Variants in RANBP3L observed in about 807,000 individuals in gnomAD.
RANBP3L encodes the protein RAN binding protein 3 like.
Under a neutral mutation model 67.2 loss-of-function variants are expected in RANBP3L, and 56 were observed. That is an observed-to-expected ratio of 0.83 (90% CI 0.67 to 1.04). RANBP3L has a LOEUF of 1.04. RANBP3L is among the 50% of genes least tolerant of loss of function. The pLI, the probability that RANBP3L is intolerant of heterozygous loss-of-function variation, is 0.00. For synonymous variants in RANBP3L, 164 were observed against 181.4 expected, an observed-to-expected ratio of 0.90 and a Z score of 0.77; for missense variants, 496 against 535.5, an observed-to-expected ratio of 0.93 and a Z score of 0.73.
At chr5:36,279,861 G>T (rs1169782406) in intron 1 of RANBP3L, among the ~76,000 whole-genome samples, 1 of 151,964 alleles carries the variant, frequency 6.6e-6, no homozygotes, top group African/African-American at 2.4e-5. Flanking sequence ...AGAGAAAAAA[G>T]AATCAACATG....
chr5:36,283,518 CCTATGCTCTGTATATAAAAATA>C (rs1751121049), intron 1 of RANBP3L, among the ~76,000 whole-genome samples: 1 of 148,952 alleles, frequency 6.7e-6, no homozygotes, highest in Non-Finnish European at 1.5e-5. Flanking sequence ...ATGGGTCTTG[CCTATGCTCTGTATATAAAAATA>C]CACACACACA....
intron 1 of RANBP3L, among the ~76,000 whole-genome samples, chr5:36,272,480 C>T (rs148535827): frequency 6.6e-6 from 1 of 152,258 alleles, no homozygotes; most frequent in East Asian, 1.9e-4. Flanking sequence ...CTTTTAAATG[C>T]CAGAAAGGGA....
intron 1 of RANBP3L, among the ~76,000 whole-genome samples, chr5:36,300,075 G>T (rs1322177246): frequency 6.6e-6 from 1 of 152,182 alleles, no homozygotes; most frequent in Admixed American, 6.5e-5. Flanking sequence ...ATTAGCAATT[G>T]AAGTGGGGGG....
At chr5:36,266,552 A>G (rs951115810) in intron 4 of RANBP3L, among the ~76,000 whole-genome samples, 3 of 152,192 alleles carry the variant, frequency 2.0e-5, no homozygotes, top group African/African-American at 7.2e-5. Flanking sequence ...AAAGAGCCAT[A>G]TTTTTCTCCT....
At chr5:36,255,363 G>T (rs1370614399) in intron 11 of RANBP3L, 107 bp downstream of exon 11, 12 of 1,066,196 alleles carry the variant, frequency 1.1e-5, no homozygotes, top group Non-Finnish European at 1.6e-5. Flanking sequence ...TGATTTTTTG[G>T]TGTATTTTAT....
At chr5:36,265,425 G>A (rs961329242) in intron 5 of RANBP3L, 24 bp downstream of exon 5, 1 of 1,462,264 alleles carries the variant, frequency 6.8e-7, no homozygotes. Context: ...AATTTCTGAG[G>A]TTCTTGAAAT....
chr5:36,260,477 G>A (rs1749301510), intron 8 of RANBP3L, among the ~76,000 whole-genome samples: 1 of 151,514 alleles, frequency 6.6e-6, no homozygotes, highest in Admixed American at 6.6e-5. Context: ...TCTAACTATT[G>A]CAGATGATTC....
chr5:36,252,483 C>T (rs904851958), intron 12 of RANBP3L, among the ~76,000 whole-genome samples: 3 of 152,060 alleles, frequency 2.0e-5, no homozygotes, highest in Non-Finnish European at 4.4e-5. Context: ...ATAAAATGTA[C>T]TATTGTTACC....
intron 13 of RANBP3L, among the ~76,000 whole-genome samples, chr5:36,250,338 C>G (rs1339399236): frequency 6.6e-6 from 1 of 151,786 alleles, no homozygotes; most frequent in Non-Finnish European, 1.5e-5. Context: ...AAATCATATT[C>G]ACTTAGTTTT....
In RANBP3L at chr5:36,288,994, A is replaced by G. The variant is rs555858173; in HGVS notation, c.91+12332T>C. ...GTCAGTGCTTTTTTGTCAGTCTAAA[A>G]AGCTGCCTTTTTGATGGTGAAGATA... On this transcript the variant is annotated intron_variant, in intron 1 of 13. Transcript: ENST00000296604. Among the ~76,000 whole-genome samples the G allele has an allele frequency of 2.6e-5, 4 of 152,096 alleles. No individual in the cohort carries two copies. In the South Asian group the frequency reaches 6.2e-4, roughly 24 times the overall value.
chr5:36,296,452 G>C (rs945379761), intron 1 of RANBP3L, among the ~76,000 whole-genome samples: 2 of 152,016 alleles, frequency 1.3e-5, no homozygotes, highest in Non-Finnish European at 2.9e-5. Flanking sequence ...AACATGTCTT[G>C]GTTATCCATG....
chr5:36,275,813 G>T (rs1750528480), intron 1 of RANBP3L, among the ~76,000 whole-genome samples: 1 of 152,154 alleles, frequency 6.6e-6, no homozygotes, highest in South Asian at 2.1e-4. Context: ...AGTGGTGAGA[G>T]TTGGATATAG....
intron 12 of RANBP3L, among the ~76,000 whole-genome samples, chr5:36,251,735 G>T (rs1260787211): frequency 6.6e-6 from 1 of 152,070 alleles, no homozygotes; most frequent in African/African-American, 2.4e-5. Context: ...TTTAGAAAGT[G>T]AAATTTTGTT....
chr5:36,255,246 T>C (rs1052981831), intron 11 of RANBP3L, among the ~76,000 whole-genome samples: 5 of 152,076 alleles, frequency 3.3e-5, no homozygotes. Context: ...TAAAAACTTA[T>C]CAAGGTCACT....
intron 1 of RANBP3L, among the ~76,000 whole-genome samples, chr5:36,294,199 G>T (rs1247491121): frequency 6.6e-6 from 1 of 152,040 alleles, no homozygotes; most frequent in Admixed American, 6.6e-5. Context: ...AGAGGTGTTT[G>T]TAGTATTCTC....
intron 1 of RANBP3L, among the ~76,000 whole-genome samples, chr5:36,284,981 C>T (rs945233418): frequency 6.6e-6 from 1 of 152,164 alleles, no homozygotes; most frequent in Non-Finnish European, 1.5e-5. Flanking sequence ...TTTGTACCAG[C>T]TTAAGAGGCA....
At chr5:36,283,851 G>A (rs1278040440) in intron 1 of RANBP3L, among the ~76,000 whole-genome samples, 1 of 152,104 alleles carries the variant, frequency 6.6e-6, no homozygotes, top group Admixed American at 6.6e-5. Flanking sequence ...AATCTGATGA[G>A]GGAAATAAAT....
At position 36,263,030 on chromosome 5, in the gene RANBP3L, A is replaced by G. The variant is rs1379308417; in HGVS notation, c.481-988T>C. ...ATACAAGATAATAAGAAATATAAAG[A>G]TAATGGTTCTACAAAATCCACCTAG... On this transcript the variant is annotated intron_variant, in intron 6 of 13. Transcript: ENST00000296604. 3.3e-5 allele frequency among the ~76,000 whole-genome samples: 5 copies of G among 152,220 alleles called. No homozygotes were observed. The East Asian group carries it at 9.6e-4, about 29-fold the overall frequency.
chr5:36,284,767 G>A (rs1020624300), intron 1 of RANBP3L, among the ~76,000 whole-genome samples: 4 of 152,214 alleles, frequency 2.6e-5, no homozygotes, highest in African/African-American at 9.6e-5. Flanking sequence ...GCTGCTAGGT[G>A]TGCACTGATA....
Sources: allele counts gnomAD v4.1 joint callset (sites outside exome capture counted in the v4.1 genomes callset), GRCh38; gene constraint gnomAD v4.1.1; transcripts MANE v1.5; gene names NCBI Gene and HGNC (gene_info 2026-07-23, HGNC 2026-07-21).